The following GPR149 variants were observed in gnomAD, a reference collection of about 807,000 sequenced individuals.
GPR149 encodes the protein G protein-coupled receptor 149.
GPR149 carries 50 observed loss-of-function variants against 50.2 expected under a neutral mutation model. The observed-to-expected ratio is 1.00, with a 90% CI of 0.79 to 1.26. The LOEUF is 1.26. GPR149 is among the 50% of genes most tolerant of loss of function. GPR149 has a pLI of 0.00. For synonymous variants in GPR149, 405 were observed against 358.2 expected (o/e 1.13, Z -1.48); for missense variants, 983 against 895.4 (o/e 1.10, Z -1.25).
At chr3:154,365,266 C>T (rs1714503097) in intron 3 of GPR149, among the ~76,000 whole-genome samples, 1 of 152,162 alleles carries the variant, frequency 6.6e-6, no homozygotes, top group African/African-American at 2.4e-5. Context: ...CAGCAAACCC[C>T]AAGGTTCCAC....
chr3:154,403,732 C>A (rs1711605748), intron 3 of GPR149, among the ~76,000 whole-genome samples: 1 of 151,568 alleles, frequency 6.6e-6, no homozygotes, highest in South Asian at 2.1e-4. Flanking sequence ...AAAAATAATT[C>A]AACAATGTAT....
intron 2 of GPR149, among the ~76,000 whole-genome samples, chr3:154,425,082 A>G (rs564045378): frequency 1.4e-4 from 21 of 152,062 alleles, no homozygotes; most frequent in African/African-American, 4.3e-4. Context: ...ACAACAAAAA[A>G]ACACTTTTGA....
chr3:154,406,220 C>A (rs866750610), intron 3 of GPR149, among the ~76,000 whole-genome samples: 2 of 152,104 alleles, frequency 1.3e-5, no homozygotes, highest in South Asian at 2.1e-4. Context: ...CCTGAGAAAT[C>A]ATTTCTCTCC....
intron 3 of GPR149, among the ~76,000 whole-genome samples, chr3:154,348,775 T>C (rs540012562): frequency 6.6e-6 from 1 of 152,220 alleles, no homozygotes; most frequent in South Asian, 2.1e-4. Context: ...GAAAATGTTA[T>C]AGATAGAAAA....
chr3:154,380,963 G>C (rs946013705), intron 3 of GPR149, among the ~76,000 whole-genome samples: 4 of 152,100 alleles, frequency 2.6e-5, no homozygotes, highest in African/African-American at 7.2e-5. Context: ...TCCAACCTAG[G>C]TTCTCATCAG....
chr3:154,412,547 A>C (rs1711867059), intron 3 of GPR149, among the ~76,000 whole-genome samples: 1 of 152,110 alleles, frequency 6.6e-6, no homozygotes, highest in African/African-American at 2.4e-5. Flanking sequence ...CAAGCTGAGA[A>C]TCAAACCTAG....
At chr3:154,396,108 T>C (rs776994014) in intron 3 of GPR149, among the ~76,000 whole-genome samples, 5 of 152,166 alleles carry the variant, frequency 3.3e-5, no homozygotes, top group Admixed American at 6.5e-5. Context: ...ATAAATCATA[T>C]AAAATTACAT....
intron 3 of GPR149, among the ~76,000 whole-genome samples, chr3:154,414,014 C>G (rs560688937): frequency 6.6e-6 from 1 of 151,564 alleles, no homozygotes; most frequent in Non-Finnish European, 1.5e-5. Context: ...TTCACAGCAA[C>G]CTGCATGGAA....
At chr3:154,409,803 T>C (rs908486731) in intron 3 of GPR149, among the ~76,000 whole-genome samples, 1 of 152,174 alleles carries the variant, frequency 6.6e-6, no homozygotes, top group Non-Finnish European at 1.5e-5. Context: ...TTGAAAAACA[T>C]ATTTGAGGGA....
chr3:154,343,849 T>C (rs1713859565), intron 3 of GPR149, among the ~76,000 whole-genome samples: 1 of 151,924 alleles, frequency 6.6e-6, no homozygotes, highest in Admixed American at 6.6e-5. Flanking sequence ...TGGTAGTGTG[T>C]GTTTCTGTAG....
At chr3:154,368,964 A>G (rs1156885935) in intron 3 of GPR149, among the ~76,000 whole-genome samples, 1 of 152,204 alleles carries the variant, frequency 6.6e-6, no homozygotes, top group African/African-American at 2.4e-5. Context: ...CTTGTGCCCC[A>G]TTTAGTGGTC....
rs1354696799 is a variant in GPR149 at position 154,379,157 on chromosome 3, G to A, written c.1624-40886C>T. Among the ~76,000 whole-genome samples, 2 of 4,894 alleles carry A rather than the reference G, an allele frequency of 4.1e-4. 1 individual carries two copies. The highest frequency in any genetic ancestry group is 8.5e-4 in the Non-Finnish European group (2 of 2,354). 3.2% of individuals were successfully genotyped at this position (4,894 alleles called of 152,430 possible). A position where few individuals can be genotyped will look rare whatever the true frequency, so the allele number is the denominator to read the frequency against. On this transcript the variant is annotated intron_variant, in intron 3 of 3. Coordinates refer to ENST00000389740, the MANE Select transcript of GPR149 (RefSeq NM_001038705.3). ...CGGGAGGCTGAGGCAGGAGAATGGC[G>A]TGAACCCGGGAAGCGGAGCTTGCAG... is the stretch of plus-strand genomic sequence containing the variant.
chr3:154,405,552 CA>C (rs1163522174), intron 3 of GPR149, among the ~76,000 whole-genome samples: 1 of 133,580 alleles, frequency 7.5e-6, no homozygotes, highest in Non-Finnish European at 1.5e-5. Context: ...TGCACCATTG[CA>C]CTCCAGCTTG....
intron 3 of GPR149, chr3:154,352,155 T>C (rs2108389763): frequency 1.3e-6 from 1 of 763,948 alleles, no homozygotes; most frequent in Admixed American, 2.7e-5. Context: ...ACTCCATTTG[T>C]GGCCCCCACT....
intron 3 of GPR149, among the ~76,000 whole-genome samples, chr3:154,348,460 G>GAT (rs1713985604): frequency 6.6e-6 from 1 of 152,112 alleles, no homozygotes; most frequent in Admixed American, 6.6e-5. Context: ...TGGCTATAGT[G>GAT]ATATCACATA....
chr3:154,421,020 A>C lies in GPR149; in HGVS notation c.1623+19T>G, dbSNP rs1239953609. On this transcript the variant is annotated intron_variant, in intron 3 of 3. Transcript: ENST00000389740. ...TAGTATCACTTTCAATTTAACAGCA[A>C]GAACAACTTTTACTGTACCTGACGA... 4.5e-6 allele frequency: 7 copies of C among 1,543,566 alleles called. No homozygotes were observed. Among genetic ancestry groups the C allele is most frequent in the Non-Finnish European group, 6.1e-6 (7 of 1,141,498 alleles).
chr3:154,407,691 T>TACACACACAC (rs1225672801), intron 3 of GPR149, among the ~76,000 whole-genome samples: 2 of 12,802 alleles, frequency 1.6e-4, no homozygotes, highest in Admixed American at 1.2e-3. Flanking sequence ...ATGTCATGTG[T>TACACACACAC]ATACACACAC....
chr3:154,352,456 C>T lies in GPR149; in HGVS notation c.1624-14185G>A, dbSNP rs114095192. ...TCAGTTGTAGGAACATCAAAGCAAA[C>T]ACCCATATTTCCTTTCAGGAGGCAC... On this transcript the variant is annotated intron_variant, in intron 3 of 3. Transcript: ENST00000389740. 2.5e-3 allele frequency: 2,041 copies of T among 808,766 alleles called. 33 individuals carry two copies. The African/African-American group carries it at 0.031, about 12-fold the overall frequency. The allele number at this position is 808,766 out of a possible 1,614,324, so 50.1% of individuals were successfully genotyped here.
intron 2 of GPR149, among the ~76,000 whole-genome samples, chr3:154,425,694 A>G (rs1712270788): frequency 6.6e-6 from 1 of 152,188 alleles, no homozygotes; most frequent in Non-Finnish European, 1.5e-5. Context: ...AATAAACACA[A>G]ATAAAAGCAA....
Sources: gnomAD v4.1 joint callset for allele counts (sites outside exome capture counted in the v4.1 genomes callset) on GRCh38, gnomAD v4.1.1 for gene constraint, MANE v1.5 for transcripts, NCBI Gene and HGNC (gene_info 2026-07-23, HGNC 2026-07-21) for gene names.